The following KCNH5 variants were observed in gnomAD, a reference collection of about 807,000 sequenced individuals.
KCNH5 encodes the protein potassium voltage-gated channel subfamily H member 5.
KCNH5 carries 46 observed loss-of-function variants against 96.1 expected under a neutral mutation model. That is an observed-to-expected ratio of 0.48 (90% CI 0.38 to 0.61). The LOEUF (loss-of-function observed/expected upper bound fraction) is 0.61, where lower values mean the gene tolerates loss of function less well. KCNH5 is among the 20% of genes least tolerant of loss of function. The pLI, the probability that KCNH5 is intolerant of heterozygous loss-of-function variation, is 0.00. For synonymous variants in KCNH5, 439 were observed against 449.8 expected, an observed-to-expected ratio of 0.98 and a Z score of 0.30; for missense variants, 907 against 1,225.8, an observed-to-expected ratio of 0.74 and a Z score of 3.88.
intron 1 of KCNH5, among the ~76,000 whole-genome samples, chr14:63,036,990 T>G (rs1891733693): frequency 6.6e-6 from 1 of 152,072 alleles, no homozygotes; most frequent in Non-Finnish European, 1.5e-5. Flanking sequence ...CGGAAATTAG[T>G]TGAAAAGAGG....
chr14:62,909,904 AAATAC>A (rs1047039016), intron 7 of KCNH5, among the ~76,000 whole-genome samples: 3 of 152,046 alleles, frequency 2.0e-5, no homozygotes, highest in African/African-American at 7.2e-5. Flanking sequence ...TTCTAACGAA[AAATAC>A]AATATTTCAT....
chr14:62,699,872 GA>G lies in KCNH5; in HGVS notation c.*7635del, dbSNP rs531008337. 1 of 152,176 alleles carries G rather than the reference GA, an allele frequency of 6.6e-6. No individual in the cohort carries two copies. Among genetic ancestry groups the G allele is most frequent in the South Asian group, 2.1e-4 (1 of 4,830 alleles). The allele number at this position is 152,176 out of a possible 1,614,324, so 9.4% of individuals were successfully genotyped here. On this transcript the variant is annotated 3_prime_UTR_variant, in exon 11 of 11. Coordinates refer to ENST00000322893, the MANE Select transcript of KCNH5 (RefSeq NM_139318.5). ...ATCTGCTTAGCATGAATCAGATTTT[GA>G]AAAAAGCCAACAAGTACTGCTTAGC...
At position 62,708,497 on chromosome 14, in the gene KCNH5, A is replaced by T. The variant is rs759209975; in HGVS notation, c.2020-42T>A. On this transcript the variant is annotated intron_variant, in intron 10 of 10. Coordinates refer to ENST00000322893, the MANE Select transcript of KCNH5 (RefSeq NM_139318.5). ...ATAGTCACAGCCTGATTATAAAAGC[A>T]GATGGATTAACAGTTGTATAATACT... The T allele has an allele frequency of 5.4e-6, 7 of 1,293,202 alleles. No individual in the cohort carries two copies. In the Middle Eastern group the frequency reaches 6.9e-4, roughly 127 times the overall value. The allele number at this position is 1,293,202 out of a possible 1,614,324, so 80.1% of individuals were successfully genotyped here. A position where few individuals can be genotyped will look rare whatever the true frequency, so the allele number is the denominator to read the frequency against.
At chr14:62,838,602 A>G (rs572285401) in intron 8 of KCNH5, among the ~76,000 whole-genome samples, 2 of 152,294 alleles carry the variant, frequency 1.3e-5, no homozygotes, top group Admixed American at 1.3e-4. Flanking sequence ...AGAAGAATAA[A>G]CACATTGAAA....
rs560129074 is a variant in KCNH5 at position 62,891,798 on chromosome 14, TA to T, written c.1370-41947del. On this transcript the variant is annotated intron_variant, in intron 7 of 10. Coordinates refer to ENST00000322893, the MANE Select transcript of KCNH5 (RefSeq NM_139318.5). ...AATGTTTTCATTATTATCATATTTTTATGGTGATCTATGATTGGTAATCTTG... is the reference window on the plus strand; with the variant it reads ...AATGTTTTCATTATTATCATATTTTTTGGTGATCTATGATTGGTAATCTTG... Among the ~76,000 whole-genome samples the T allele has an allele frequency of 7.2e-5, 11 of 152,344 alleles. No homozygotes were observed. The South Asian group carries it at 2.3e-3, about 32-fold the overall frequency.
chr14:62,814,810 A>AAAAAAAAAAAAAC (rs1886944079), intron 8 of KCNH5, among the ~76,000 whole-genome samples: 1 of 149,538 alleles, frequency 6.7e-6, no homozygotes, highest in African/African-American at 2.4e-5. Flanking sequence ...AAAAAAAAAA[A>AAAAAAAAAAAAAC]AGAATGAGTC....
intron 7 of KCNH5, among the ~76,000 whole-genome samples, chr14:62,870,496 T>C (rs1217292899): frequency 6.6e-6 from 1 of 152,186 alleles, no homozygotes; most frequent in Non-Finnish European, 1.5e-5. Flanking sequence ...TCAAGTCCTC[T>C]GAGTAGTGGC....
At chr14:62,771,295 C>T (rs1316354202) in intron 10 of KCNH5, among the ~76,000 whole-genome samples, 2 of 152,126 alleles carry the variant, frequency 1.3e-5, no homozygotes, top group Non-Finnish European at 1.5e-5. Context: ...ACCAGACTAA[C>T]CTGTGCATTG....
chr14:62,992,862 TG>T (rs1306660749), intron 4 of KCNH5, among the ~76,000 whole-genome samples: 18 of 152,114 alleles, frequency 1.2e-4, no homozygotes, highest in African/African-American at 4.3e-4. Flanking sequence ...CCTCAGCTTT[TG>T]AGGTCTTTGT....
intron 10 of KCNH5, among the ~76,000 whole-genome samples, chr14:62,715,309 C>G (rs1884660703): frequency 6.6e-6 from 1 of 152,172 alleles, no homozygotes; most frequent in Admixed American, 6.6e-5. Context: ...TCATCACTTT[C>G]TAGATCTGTG....
At chr14:62,940,770 G>C (rs1183354439) in intron 7 of KCNH5, among the ~76,000 whole-genome samples, 1 of 152,104 alleles carries the variant, frequency 6.6e-6, no homozygotes, top group African/African-American at 2.4e-5. Flanking sequence ...AAATCCTCCT[G>C]GGCTCCCTCA....
At chr14:63,035,628 G>A in intron 1 of KCNH5, among the ~76,000 whole-genome samples, 1 of 152,270 alleles carries the variant, frequency 6.6e-6, no homozygotes, top group East Asian at 1.9e-4. Flanking sequence ...TAGGCAGTAG[G>A]TTTTTGTTTG....
At chr14:62,767,086 T>C (rs935681161) in intron 10 of KCNH5, among the ~76,000 whole-genome samples, 4 of 151,916 alleles carry the variant, frequency 2.6e-5, no homozygotes, top group African/African-American at 9.7e-5. Flanking sequence ...TCAACATCAA[T>C]AGTCATTAGA....
intron 10 of KCNH5, among the ~76,000 whole-genome samples, chr14:62,771,031 G>A (rs1324709631): frequency 3.3e-5 from 5 of 152,010 alleles, no homozygotes; most frequent in East Asian, 1.9e-4. Context: ...CAAGAGACTC[G>A]AGAGCTCTCT....
intron 9 of KCNH5, among the ~76,000 whole-genome samples, chr14:62,785,351 C>T (rs1886299968): frequency 6.6e-6 from 1 of 152,168 alleles, no homozygotes; most frequent in African/African-American, 2.4e-5. Context: ...GTGCATGCAT[C>T]CAATATGCAT....
chr14:62,805,581 T>C (rs1886750158), intron 8 of KCNH5, among the ~76,000 whole-genome samples: 1 of 152,136 alleles, frequency 6.6e-6, no homozygotes, highest in Non-Finnish European at 1.5e-5. Context: ...ATCACAGTCT[T>C]AGCCAAGGCA....
chr14:62,789,334 T>C (rs191322206), intron 9 of KCNH5, among the ~76,000 whole-genome samples: 90 of 152,180 alleles, frequency 5.9e-4, no homozygotes, highest in African/African-American at 2.1e-3. Context: ...CATCCATCAA[T>C]GGATACTTAG....
At chr14:62,712,143 C>T (rs1884583664) in intron 10 of KCNH5, 1 of 154,328 alleles carries the variant, frequency 6.5e-6, no homozygotes, top group Non-Finnish European at 1.4e-5. Context: ...CACCTAACCG[C>T]AAACAGTAAC....
At chr14:62,867,222 G>C (rs17093452) in intron 7 of KCNH5, among the ~76,000 whole-genome samples, 11,197 of 152,180 alleles carry the variant, frequency 0.074, 650 homozygotes, top group African/African-American at 0.17. Context: ...GAAGCACATA[G>C]ATACGTGATA....
Sources: allele counts gnomAD v4.1 joint callset (sites outside exome capture counted in the v4.1 genomes callset), GRCh38; gene constraint gnomAD v4.1.1; transcripts MANE v1.5; gene names NCBI Gene and HGNC (gene_info 2026-07-23, HGNC 2026-07-21).